The following ALMS1 variants were observed in gnomAD, a reference collection of about 807,000 sequenced individuals.
ALMS1 encodes centrosome-associated protein ALMS1.
In ALMS1, 271 loss-of-function variants were observed where a neutral mutation model predicts 352.2. That is an observed-to-expected ratio of 0.77 (90% CI 0.70 to 0.85). The LOEUF (loss-of-function observed/expected upper bound fraction) is 0.85. Ranked by LOEUF, ALMS1 falls within the 40% of genes least tolerant of loss-of-function variation. ALMS1 has a pLI of 0.00. For synonymous variants in ALMS1, 1,865 were observed against 1,761.2 expected (o/e 1.06, Z -1.48); for missense variants, 5,445 against 4,870.7 (o/e 1.12, Z -3.51).
chr2:73,412,307 T>G (rs900503593), intron 2 of ALMS1, among the ~76,000 whole-genome samples: 1 of 152,208 alleles, frequency 6.6e-6, no homozygotes, highest in Non-Finnish European at 1.5e-5. Context: ...TTCTCTTTAG[T>G]TTTACCTTTT....
In ALMS1 at chr2:73,491,189, C is replaced by A; in HGVS notation, c.9230C>A (p.Ala3077Glu). ...CATTCATTGGATGCTGCTTCTAAAG[C>A]GAGGATGAATAGTGAGTTTAACTTT... ...RFHSLDAASK[A>E]RMNSEFNFDL... Residue 3077 changes from alanine to glutamate, a missense_variant, in exon 10 of 23, where the codon GCG (alanine) becomes GAG (glutamate). Transcript: ENST00000613296. 1 of 1,614,092 alleles carries A rather than the reference C, an allele frequency of 6.2e-7. No individual in the cohort carries two copies. The highest frequency in any genetic ancestry group is 1.3e-5 in the African/African-American group (1 of 75,014).
At chr2:73,489,557 C>A (rs995776255) in intron 9 of ALMS1, 77 bp from the exon 10 acceptor site, 2 of 1,547,302 alleles carry the variant, frequency 1.3e-6, no homozygotes, top group Non-Finnish European at 1.8e-6. Context: ...GGGTATAAAA[C>A]TGATTTGTAT....
chr2:73,391,418 C>G (rs533936722), intron 1 of ALMS1, among the ~76,000 whole-genome samples: 1 of 150,816 alleles, frequency 6.6e-6, no homozygotes, highest in Non-Finnish European at 1.5e-5. Flanking sequence ...CTCAGCCTCC[C>G]GAGTAGCTGC....
intron 12 of ALMS1, among the ~76,000 whole-genome samples, chr2:73,544,221 A>G (rs1005731366): frequency 6.6e-6 from 1 of 152,208 alleles, no homozygotes; most frequent in Non-Finnish European, 1.5e-5. Flanking sequence ...TTGTAGGGAC[A>G]TGGATGAAGC....
Position 73,450,184 on chromosome 2 carries a change from A to T in ALMS1, c.3657A>T (p.Ser1219=), listed in dbSNP as rs1671901047. 6.2e-7 allele frequency: 1 copy of T among 1,613,942 alleles called. No homozygotes were observed. Among genetic ancestry groups the T allele is most frequent in the African/African-American group, 1.3e-5 (1 of 74,900 alleles). Residue 1219 remains serine, a synonymous_variant, in exon 8 of 23, where the codon TCA becomes TCT. Coordinates refer to ENST00000613296, the MANE Select transcript of ALMS1 (RefSeq NM_001378454.1). ...SHIPEEAQKV[S]PVLGPADQKT... ...TACCTGAAGAGGCACAGAAAGTTTC[A>T]CCTGTTCTTGGACCAGCTGACCAGA... is the stretch of plus-strand genomic sequence containing the variant.
At chr2:73,508,989 C>CT (rs1673395491) in intron 10 of ALMS1, among the ~76,000 whole-genome samples, 1 of 152,032 alleles carries the variant, frequency 6.6e-6, no homozygotes, top group Non-Finnish European at 1.5e-5. Flanking sequence ...TCTTCTTTGT[C>CT]TTTTTTGATC....
At chr2:73,414,484 T>TTGG (rs1558635518) in intron 2 of ALMS1, among the ~76,000 whole-genome samples, 2 of 90,462 alleles carry the variant, frequency 2.2e-5, no homozygotes, top group Non-Finnish European at 5.3e-5. Context: ...TTTTTTTTTT[T>TTGG]TTTTGTTTTT....
chr2:73,534,658 C>T (rs1673988950), intron 11 of ALMS1, among the ~76,000 whole-genome samples, 166 bp from the exon 12 acceptor site: 4 of 152,140 alleles, frequency 2.6e-5, no homozygotes, highest in Admixed American at 2.6e-4. Context: ...ATATTTTCCT[C>T]CTCTAGAATT....
intron 10 of ALMS1, among the ~76,000 whole-genome samples, chr2:73,508,920 A>G (rs1035988115): frequency 2.0e-5 from 3 of 152,136 alleles, no homozygotes; most frequent in Admixed American, 6.6e-5. Context: ...TTGGGTGCAT[A>G]TATATTTAGG....
At chr2:73,493,118 A>G (rs956875168) in intron 10 of ALMS1, among the ~76,000 whole-genome samples, 3 of 152,178 alleles carry the variant, frequency 2.0e-5, no homozygotes, top group Non-Finnish European at 4.4e-5. Flanking sequence ...AGATGATTAT[A>G]TATATGAACT....
intron 12 of ALMS1, among the ~76,000 whole-genome samples, chr2:73,539,537 C>A (rs11689767): frequency 1.3e-5 from 2 of 152,016 alleles, no homozygotes; most frequent in African/African-American, 4.8e-5. Context: ...ATGACTTTGA[C>A]GAGTTGAGAG....
intron 16 of ALMS1, among the ~76,000 whole-genome samples, chr2:73,591,803 G>C (rs889880272): frequency 6.6e-6 from 1 of 152,120 alleles, no homozygotes; most frequent in South Asian, 2.1e-4. Context: ...CTACTTCCAG[G>C]CTGTAGTTTT....
chr2:73,390,850 A>G (rs1670628828), intron 1 of ALMS1, among the ~76,000 whole-genome samples: 1 of 151,682 alleles, frequency 6.6e-6, no homozygotes, highest in African/African-American at 2.4e-5. Context: ...GGCTAACTGC[A>G]ACCTCCGCCT....
chr2:73,454,927 G>A (rs1024755985), intron 8 of ALMS1, among the ~76,000 whole-genome samples: 2 of 152,168 alleles, frequency 1.3e-5, no homozygotes, highest in East Asian at 1.9e-4. Context: ...TTGATTACCC[G>A]ATTTAAAGTG....
Position 73,573,291 on chromosome 2 carries a change from G to A in ALMS1, c.11414G>A (p.Arg3805Gln), listed in dbSNP as rs201646938. The change falls in exon 16 of 23, where the codon CGA becomes CAA. Residue 3805 changes from arginine to glutamine, a missense_variant. Coordinates refer to ENST00000613296, the MANE Select transcript of ALMS1 (RefSeq NM_001378454.1). ...GAAAGAGTATGCTTGTCACCCAGAC[G>A]AATTAAATTATATAGCAGCATCACC... ...GHERVCLSPR[R>Q]IKLYSSITNQ... 1.2e-5 allele frequency: 19 copies of A among 1,614,034 alleles called. No individual in the cohort carries two copies. In the African/African-American group the frequency reaches 1.5e-4, roughly 12 times the overall value.
At chr2:73,461,511 CAG>C (rs1208257372) in intron 9 of ALMS1, among the ~76,000 whole-genome samples, 1 of 152,196 alleles carries the variant, frequency 6.6e-6, no homozygotes, top group Admixed American at 6.5e-5. Flanking sequence ...GCAGAAAAAA[CAG>C]AGCAGAAAAA....
At chr2:73,481,140 A>T (rs1434610757) in intron 9 of ALMS1, among the ~76,000 whole-genome samples, 2 of 152,206 alleles carry the variant, frequency 1.3e-5, no homozygotes, top group East Asian at 3.8e-4. Context: ...TTTAGACATG[A>T]AGTCCTTGCC....
intron 9 of ALMS1, among the ~76,000 whole-genome samples, chr2:73,460,993 G>A (rs1212540513): frequency 1.3e-5 from 2 of 152,232 alleles, no homozygotes; most frequent in Admixed American, 6.5e-5. Flanking sequence ...GCCTGCCTCT[G>A]TAGGCTCCAC....
intron 7 of ALMS1, among the ~76,000 whole-genome samples, chr2:73,446,135 C>G (rs1558646749): frequency 6.6e-6 from 1 of 152,106 alleles, no homozygotes; most frequent in Non-Finnish European, 1.5e-5. Context: ...ACAGCTTAAC[C>G]TATAGTCGTT....
Sources: gnomAD v4.1 joint callset for allele counts (sites outside exome capture counted in the v4.1 genomes callset) on GRCh38, gnomAD v4.1.1 for gene constraint, MANE v1.5 for transcripts, NCBI Gene and HGNC (gene_info 2026-07-23, HGNC 2026-07-21) for gene names.